The following SYCE2 variants were observed in gnomAD, a reference collection of about 807,000 sequenced individuals.
The protein encoded by SYCE2 is central element synaptonemal complex 1.
Under a neutral mutation model 27.9 loss-of-function variants are expected in SYCE2, and 3 were observed. That is an observed-to-expected ratio of 0.11 (90% CI 0.05 to 0.28). SYCE2 has a LOEUF of 0.28. SYCE2 is among the 10% of genes least tolerant of loss of function. SYCE2 has a pLI of 1.00. For synonymous variants in SYCE2, 85 were observed against 100.7 expected (o/e 0.84, Z 0.93); for missense variants, 207 against 263.5 (o/e 0.79, Z 1.48).
Position 12,900,455 on chromosome 19 carries a change from C to T in SYCE2, c.495+5G>A. The stretch of plus-strand genomic sequence containing the variant: ...GCAGCGCCCCCCCTGTGAGTTTACT[C>T]ATACCTCAGGCTGGAGACACAGGTC... On this transcript the variant is annotated splice_donor_5th_base_variant and intron_variant, in intron 4 of 5. Transcript: ENST00000293695. The T allele has an allele frequency of 6.2e-7, 1 of 1,612,530 alleles. No individual in the cohort carries two copies. Among genetic ancestry groups the T allele is most frequent in the Non-Finnish European group, 8.5e-7 (1 of 1,179,402 alleles).
intron 2 of SYCE2, among the ~76,000 whole-genome samples, chr19:12,910,429 G>C (rs1350579540): frequency 6.6e-6 from 1 of 151,880 alleles, no homozygotes; most frequent in East Asian, 1.9e-4. Flanking sequence ...TCAGGCTGGA[G>C]TGGTGCAATC....
At chr19:12,913,124 C>T (rs896517335) in intron 2 of SYCE2, among the ~76,000 whole-genome samples, 11 of 152,200 alleles carry the variant, frequency 7.2e-5, no homozygotes, top group Non-Finnish European at 8.8e-5. Context: ...GTGTGCATGG[C>T]CTGCGCCCGG....
intron 5 of SYCE2, chr19:12,899,761 T>C: frequency 6.2e-7 from 1 of 1,610,366 alleles, no homozygotes; most frequent in Non-Finnish European, 8.5e-7. Flanking sequence ...CAATCCACTT[T>C]TAACCATGGA....
At chr19:12,913,315 G>A (rs1045076737) in intron 2 of SYCE2, among the ~76,000 whole-genome samples, 7 of 152,212 alleles carry the variant, frequency 4.6e-5, no homozygotes, top group Non-Finnish European at 7.3e-5. Flanking sequence ...CCATCTGTTC[G>A]CTCCAGGTAA....
At chr19:12,911,615 C>CCTTT in intron 2 of SYCE2, among the ~76,000 whole-genome samples, 1 of 103,750 alleles carries the variant, frequency 9.6e-6, no homozygotes, top group South Asian at 3.5e-4. Context: ...TAATTTTTGC[C>CCTTT]TTTTTTTTTT....
chr19:12,904,467 C>T, intron 3 of SYCE2, 25 bp downstream of exon 3: 1 of 1,613,636 alleles, frequency 6.2e-7, no homozygotes, highest in African/African-American at 1.3e-5. Flanking sequence ...AGGAATCCCC[C>T]CTCTCGCTGG....
chr19:12,917,659 CTT>C (rs71168635), intron 2 of SYCE2, among the ~76,000 whole-genome samples: 7 of 79,370 alleles, frequency 8.8e-5, no homozygotes, highest in Non-Finnish European at 1.1e-4. Flanking sequence ...CCATTCCTGG[CTT>C]TTTTTTTTTT....
chr19:12,904,413 T>C, intron 3 of SYCE2, 79 bp downstream of exon 3: 2 of 1,566,458 alleles, frequency 1.3e-6, no homozygotes, highest in African/African-American at 1.3e-5. Flanking sequence ...GTGCCTGGTG[T>C]ACAACAGACA....
intron 2 of SYCE2, among the ~76,000 whole-genome samples, chr19:12,908,603 C>G (rs1033368583): frequency 2.0e-5 from 3 of 152,126 alleles, no homozygotes; most frequent in Admixed American, 2.0e-4. Context: ...GGATTACAGG[C>G]GTGAGCCACC....
intron 3 of SYCE2, 144 bp from the exon 4 acceptor site, chr19:12,900,792 C>T: frequency 1.3e-6 from 1 of 777,112 alleles, no homozygotes. Context: ...GCCTGTAACC[C>T]CAGCACTTTG....
At position 12,899,880 on chromosome 19, in the gene SYCE2, C is replaced by T. The variant is rs577301185; in HGVS notation, c.612+124G>A. Reference sequence around the variant, plus strand: ...ACCCCCTCACACTGAGTTCACAGTGCGCCCTCCCTCCCTCCCATCTGGGGG... The same window carrying T: ...ACCCCCTCACACTGAGTTCACAGTGTGCCCTCCCTCCCTCCCATCTGGGGG... On this transcript the variant is annotated intron_variant, in intron 5 of 5. Transcript: ENST00000293695. The T allele has an allele frequency of 4.2e-4, 662 of 1,585,190 alleles. 1 individual carries two copies. Among genetic ancestry groups the T allele is most frequent in the South Asian group, 1.9e-4 (17 of 89,142 alleles).
intron 2 of SYCE2, among the ~76,000 whole-genome samples, chr19:12,915,472 C>G (rs564022399): frequency 1.4e-4 from 21 of 151,748 alleles, no homozygotes; most frequent in Non-Finnish European, 2.1e-4. Flanking sequence ...CCTGGTGGCA[C>G]ATGCTTGTAG....
chr19:12,900,265 G>T, intron 4 of SYCE2, 145 bp from the exon 5 acceptor site: 1 of 1,148,220 alleles, frequency 8.7e-7, no homozygotes. Context: ...ACATGACAAC[G>T]GTTTGGCTTC....
rs1161647889 is a variant in SYCE2 at position 12,898,797 on chromosome 19, G to C, written c.*544C>G. 2 of 168,008 alleles carry C rather than the reference G, an allele frequency of 1.2e-5. No homozygotes were observed. The highest frequency in any genetic ancestry group is 4.8e-5 in the African/African-American group (2 of 41,468). The allele number at this position is 168,008 out of a possible 1,614,324, so 10.4% of individuals were successfully genotyped here. On this transcript the variant is annotated 3_prime_UTR_variant, in exon 6 of 6. Transcript: ENST00000293695. ...ACCCTATCTATATTTAAAAAAAATA[G>C]GTTTGTACTTTAGGAAGTAAACAGA...
At chr19:12,918,170 T>C (rs576161666) in intron 2 of SYCE2, 52 bp downstream of exon 2, 1 of 1,475,814 alleles carries the variant, frequency 6.8e-7, no homozygotes, top group South Asian at 1.1e-5. Context: ...AAAGGGTGAA[T>C]GAGAGGGACC....
At chr19:12,906,867 G>A (rs949983124) in intron 2 of SYCE2, among the ~76,000 whole-genome samples, 2 of 151,828 alleles carry the variant, frequency 1.3e-5, no homozygotes, top group Non-Finnish European at 2.9e-5. Context: ...CTCTAGCCCG[G>A]GCAACAGAGT....
intron 3 of SYCE2, 131 bp from the exon 4 acceptor site, chr19:12,900,779 C>T (rs1970818242): frequency 3.4e-6 from 3 of 888,364 alleles, no homozygotes; most frequent in East Asian, 5.2e-5. Flanking sequence ...CACGGTGGCT[C>T]ATGCCTGTAA....
In SYCE2 at chr19:12,899,397, T is replaced by C; in HGVS notation, c.613-12A>G. The C allele has an allele frequency of 2.5e-6, 4 of 1,614,102 alleles. No individual in the cohort carries two copies. Among genetic ancestry groups the C allele is most frequent in the Non-Finnish European group, 3.4e-6 (4 of 1,179,992 alleles). On this transcript the variant is annotated splice_polypyrimidine_tract_variant and intron_variant, in intron 5 of 5. Transcript: ENST00000293695. ...TCTGAAGCAGTGGCCTGGGGATACA[T>C]GAAAATTGATTTTAAAGGGAAGTTG...
chr19:12,914,530 C>G (rs1971103445), intron 2 of SYCE2, among the ~76,000 whole-genome samples: 1 of 151,940 alleles, frequency 6.6e-6, no homozygotes, highest in Non-Finnish European at 1.5e-5. Context: ...CCCCCACACC[C>G]CCCATAAAAG....
Sources: gnomAD v4.1 joint callset for allele counts (sites outside exome capture counted in the v4.1 genomes callset) on GRCh38, gnomAD v4.1.1 for gene constraint, MANE v1.5 for transcripts, NCBI Gene and HGNC (gene_info 2026-07-23, HGNC 2026-07-21) for gene names.